The following MTRF1 variants were observed in gnomAD, a reference collection of about 807,000 sequenced individuals.
MTRF1 encodes mitochondrial translation release factor 1.
In MTRF1, 51 loss-of-function variants were observed where a neutral mutation model predicts 62.9. That is an observed-to-expected ratio of 0.81 (90% CI 0.65 to 1.02). The LOEUF is 1.02. Among genes scored for constraint, MTRF1 ranks in the 50% least tolerant of loss-of-function variants. The pLI is 0.00. For missense variants in MTRF1, 446 were observed against 530.0 expected, an observed-to-expected ratio of 0.84 and a Z score of 1.56; for synonymous variants, 158 against 181.9, an observed-to-expected ratio of 0.87 and a Z score of 1.06.
upstream of MTRF1, among the ~76,000 whole-genome samples, chr13:41,265,095 T>C (rs1347600677): frequency 1.3e-5 from 2 of 152,174 alleles, no homozygotes; most frequent in African/African-American, 4.8e-5. Flanking sequence ...GCTATATAAC[T>C]TGAGTATTAT....
At chr13:41,273,680 A>G in the MTRF1 span, among the ~76,000 whole-genome samples, 1,251 of 152,196 alleles carry the variant, frequency 8.2e-3, 19 homozygotes, top group African/African-American at 0.028. Flanking sequence ...TCTACTAAAA[A>G]TACAAAATTA....
At chr13:41,240,662 A>G (rs575553966) in intron 5 of MTRF1, among the ~76,000 whole-genome samples, 1 of 152,364 alleles carries the variant, frequency 6.6e-6, no homozygotes, top group South Asian at 2.1e-4. Context: ...GAAACATACC[A>G]AAATGTAATT....
At chr13:41,278,952 G>T in the MTRF1 span, among the ~76,000 whole-genome samples, 2 of 151,872 alleles carry the variant, frequency 1.3e-5, no homozygotes, top group African/African-American at 2.4e-5. Context: ...CTCCTTTTCG[G>T]AATTACTGAT....
At chr13:41,249,634 T>TTC (rs1490786808) in intron 5 of MTRF1, among the ~76,000 whole-genome samples, 3 of 127,976 alleles carry the variant, frequency 2.3e-5, no homozygotes, top group Non-Finnish European at 5.0e-5. Context: ...TTTTTTTTTT[T>TTC]TTTTTTTTTT....
chr13:41,223,021 G>A (rs563495518), intron 9 of MTRF1, among the ~76,000 whole-genome samples: 1 of 152,130 alleles, frequency 6.6e-6, no homozygotes, highest in South Asian at 2.1e-4. Context: ...CATTGTGATT[G>A]CATAACGAAG....
the MTRF1 span, among the ~76,000 whole-genome samples, chr13:41,272,775 T>G: frequency 6.6e-6 from 1 of 152,096 alleles, no homozygotes; most frequent in African/African-American, 2.4e-5. Context: ...CATAAAGGAT[T>G]TACTTACCTT....
At chr13:41,272,813 C>T in the MTRF1 span, among the ~76,000 whole-genome samples, 1 of 152,014 alleles carries the variant, frequency 6.6e-6, no homozygotes, top group Non-Finnish European at 1.5e-5. Context: ...GAAAATTTTG[C>T]CTTCTTTGTT....
chr13:41,311,858 G>T, the MTRF1 span, among the ~76,000 whole-genome samples: 1 of 152,230 alleles, frequency 6.6e-6, no homozygotes, highest in Non-Finnish European at 1.5e-5. Context: ...TCTCCGCAGT[G>T]CCCGGGCACA....
the MTRF1 span, among the ~76,000 whole-genome samples, chr13:41,278,417 AC>A: frequency 6.6e-6 from 1 of 152,004 alleles, no homozygotes; most frequent in Admixed American, 6.6e-5. Flanking sequence ...GAGTTTAAAT[AC>A]CCCCTAGGAT....
upstream of MTRF1, among the ~76,000 whole-genome samples, chr13:41,268,037 C>G (rs1237309114): frequency 1.3e-5 from 2 of 152,146 alleles, no homozygotes; most frequent in African/African-American, 4.8e-5. Context: ...GAAATTCAGG[C>G]TCTGAAAACC....
chr13:41,272,455 A>G, the MTRF1 span, among the ~76,000 whole-genome samples: 1 of 152,166 alleles, frequency 6.6e-6, no homozygotes, highest in Non-Finnish European at 1.5e-5. Flanking sequence ...ATTTTAGCCA[A>G]ATTAGAGAGG....
chr13:41,260,364 A>G, intron 2 of MTRF1, 129 bp downstream of exon 2: 2 of 987,248 alleles, frequency 2.0e-6, no homozygotes, highest in Non-Finnish European at 2.9e-6. Flanking sequence ...GTGGGAAAAA[A>G]AAAACAAAGA....
chr13:41,232,141 C>A (rs560517618), intron 7 of MTRF1, among the ~76,000 whole-genome samples: 1 of 151,856 alleles, frequency 6.6e-6, no homozygotes, highest in African/African-American at 2.4e-5. Context: ...AGAGACACTG[C>A]AGAAAGCAGA....
At chr13:41,278,764 A>C in the MTRF1 span, among the ~76,000 whole-genome samples, 1 of 152,202 alleles carries the variant, frequency 6.6e-6, no homozygotes, top group Non-Finnish European at 1.5e-5. Flanking sequence ...ACCAACAGGC[A>C]ATATAGCTAC....
upstream of MTRF1, among the ~76,000 whole-genome samples, chr13:41,266,588 G>A (rs1295744644): frequency 6.6e-6 from 1 of 152,132 alleles, no homozygotes; most frequent in Non-Finnish European, 1.5e-5. Context: ...CAGCCTGGGT[G>A]ACAGAGCAAC....
At chr13:41,311,968 C>G in the MTRF1 span, among the ~76,000 whole-genome samples, 2 of 152,250 alleles carry the variant, frequency 1.3e-5, no homozygotes, top group African/African-American at 2.4e-5. Flanking sequence ...CCAGTCTCTC[C>G]TCGGCTAGGT....
rs574602343 is a variant in MTRF1 at position 41,256,113 on chromosome 13, TG to T, written c.416-1494del. 4.2e-3 allele frequency among the ~76,000 whole-genome samples: 632 copies of T among 152,286 alleles called. 2 individuals carry two copies. Among genetic ancestry groups the T allele is most frequent in the Non-Finnish European group, 6.9e-3 (466 of 68,022 alleles). On this transcript the variant is annotated intron_variant, in intron 2 of 9. Transcript: ENST00000379480. ...TTTTGCTAGACACTCTGCTAGTTGCTGGGGAGACAACGAAGAAAAAAACATG... is the reference window on the plus strand; with the variant it reads ...TTTTGCTAGACACTCTGCTAGTTGCTGGGAGACAACGAAGAAAAAAACATG...
chr13:41,294,682 T>A, the MTRF1 span, among the ~76,000 whole-genome samples: 2 of 152,068 alleles, frequency 1.3e-5, no homozygotes, highest in African/African-American at 4.8e-5. Context: ...AAGGTAAAAT[T>A]TAAGAGAGCA....
At chr13:41,298,121 T>A in the MTRF1 span, among the ~76,000 whole-genome samples, 4 of 152,232 alleles carry the variant, frequency 2.6e-5, no homozygotes, top group Admixed American at 6.5e-5. Flanking sequence ...AGCAGAGGAT[T>A]AGATTGGTTT....
Sources: gnomAD v4.1 joint callset for allele counts (sites outside exome capture counted in the v4.1 genomes callset) on GRCh38, gnomAD v4.1.1 for gene constraint, MANE v1.5 for transcripts, NCBI Gene and HGNC (gene_info 2026-07-23, HGNC 2026-07-21) for gene names.